SPATA6: variants seen among roughly 807,000 people sequenced by gnomAD.
The protein encoded by SPATA6 is spermatogenesis associated 6.
A neutral mutation model predicts 65.3 loss-of-function variants in SPATA6; 56 were observed. The observed-to-expected ratio is 0.86, with a 90% CI of 0.69 to 1.07. The LOEUF (loss-of-function observed/expected upper bound fraction) is 1.07. SPATA6 is among the 50% of genes least tolerant of loss of function. The pLI is 0.00. For missense variants in SPATA6, 590 were observed against 594.8 expected (o/e 0.99, Z 0.08); for synonymous variants, 199 against 213.2 (o/e 0.93, Z 0.58).
chr1:48,423,948 A>G (rs1303643573), intron 3 of SPATA6, among the ~76,000 whole-genome samples: 1 of 152,216 alleles, frequency 6.6e-6, no homozygotes, highest in African/African-American at 2.4e-5. Context: ...AAATAAGCAC[A>G]TCATGAAGAA....
chr1:48,469,009 G>A (rs78940222), intron 1 of SPATA6, among the ~76,000 whole-genome samples: 8,727 of 152,154 alleles, frequency 0.057, 372 homozygotes, highest in African/African-American at 0.11. Flanking sequence ...CCAGGCTGGA[G>A]TGCAGGGCTA....
At chr1:48,462,913 A>G (rs561103148) in intron 1 of SPATA6, among the ~76,000 whole-genome samples, 4 of 152,318 alleles carry the variant, frequency 2.6e-5, no homozygotes, top group South Asian at 2.1e-4. Flanking sequence ...ACCCTCACCA[A>G]TGTGGGCAGG....
At chr1:48,359,528 C>A in intron 10 of SPATA6, 58 bp downstream of exon 10, 1 of 1,512,794 alleles carries the variant, frequency 6.6e-7, no homozygotes, top group Admixed American at 2.0e-5. Context: ...TTGCTGCTTC[C>A]CCTTCTAATA....
chr1:48,284,547 T>A, the SPATA6 span, among the ~76,000 whole-genome samples: 7 of 152,228 alleles, frequency 4.6e-5, no homozygotes, highest in African/African-American at 4.8e-5. Context: ...TTGACCTGTA[T>A]TTTCCTCATC....
rs202194725 is a variant in SPATA6 at position 48,318,819 on chromosome 1, TGAAAAAGAA to T, written c.1195-12950_1195-12942del. 4.5e-3 allele frequency among the ~76,000 whole-genome samples: 690 copies of T among 152,176 alleles called. 4 individuals are homozygous for T. The highest frequency in any genetic ancestry group is 0.015 in the African/African-American group (617 of 41,558). On this transcript the variant is annotated intron_variant, in intron 11 of 12. Coordinates refer to ENST00000371847, the MANE Select transcript of SPATA6 (RefSeq NM_019073.4). ...GCAAAGGACCTAGAATAGTTATTCT[TGAAAAAGAA>T]GAAAAGGTGGAAGACTAACAATTCC... is the stretch of plus-strand genomic sequence containing the variant.
Position 48,295,531 on chromosome 1 carries a change from T to C in SPATA6, c.*3182A>G, listed in dbSNP as rs900386797. Reference sequence around the variant, plus strand: ...TTCCATTTATATGAAATGTCCAGAATAGGCATGGAGACAAAAAGCATATAG... The same window carrying C: ...TTCCATTTATATGAAATGTCCAGAACAGGCATGGAGACAAAAAGCATATAG... On this transcript the variant is annotated 3_prime_UTR_variant, in exon 13 of 13. Transcript: ENST00000371847. The C allele has an allele frequency of 1.6e-4, 24 of 152,176 alleles. No homozygotes were observed. The highest frequency in any genetic ancestry group is 5.8e-4 in the African/African-American group (24 of 41,448). 9.4% of individuals were successfully genotyped at this position (152,176 alleles called of 1,614,324 possible).
chr1:48,387,986 GCTA>G (rs1194061322), intron 8 of SPATA6, among the ~76,000 whole-genome samples: 1 of 152,114 alleles, frequency 6.6e-6, no homozygotes, highest in Non-Finnish European at 1.5e-5. Context: ...GCCCATGATG[GCTA>G]CTACCAGCAT....
chr1:48,440,321 G>A (rs1022802758), intron 3 of SPATA6, among the ~76,000 whole-genome samples: 3 of 152,188 alleles, frequency 2.0e-5, no homozygotes, highest in African/African-American at 7.2e-5. Flanking sequence ...ATGTCCTACA[G>A]GGTCTAGGGC....
chr1:48,424,375 A>G (rs1411944292), intron 3 of SPATA6, among the ~76,000 whole-genome samples: 1 of 152,172 alleles, frequency 6.6e-6, no homozygotes, highest in Non-Finnish European at 1.5e-5. Context: ...GTAAATGTAT[A>G]CTTTATTAAT....
intron 11 of SPATA6, among the ~76,000 whole-genome samples, chr1:48,331,906 T>C (rs1645926782): frequency 6.6e-6 from 1 of 152,166 alleles, no homozygotes; most frequent in African/African-American, 2.4e-5. Context: ...CAGAAGAGAC[T>C]GGGGACCTGT....
intron 11 of SPATA6, among the ~76,000 whole-genome samples, chr1:48,342,423 G>A (rs1481727054): frequency 6.6e-6 from 1 of 151,934 alleles, no homozygotes; most frequent in African/African-American, 2.4e-5. Flanking sequence ...AGACCATCCT[G>A]GCTAACATGG....
intron 9 of SPATA6, among the ~76,000 whole-genome samples, chr1:48,375,816 T>G (rs1647826836): frequency 6.6e-6 from 1 of 152,180 alleles, no homozygotes. Context: ...AACAGCATGA[T>G]TTCACCAAGG....
intron 9 of SPATA6, among the ~76,000 whole-genome samples, chr1:48,366,744 C>A (rs540332382): frequency 2.3e-4 from 35 of 152,164 alleles, no homozygotes; most frequent in Non-Finnish European, 2.5e-4. Flanking sequence ...TTCAAAAAAC[C>A]AGCTCCTGGA....
At chr1:48,405,861 C>T (rs1451744054) in intron 5 of SPATA6, among the ~76,000 whole-genome samples, 3 of 152,086 alleles carry the variant, frequency 2.0e-5, no homozygotes, top group Non-Finnish European at 2.9e-5. Context: ...AAATTACTTA[C>T]ATTCCTCTCA....
the SPATA6 span, among the ~76,000 whole-genome samples, chr1:48,282,119 C>G: frequency 6.6e-6 from 1 of 152,206 alleles, no homozygotes; most frequent in African/African-American, 2.4e-5. Flanking sequence ...GCTGGGAAAA[C>G]TGGCTAGCCA....
intron 9 of SPATA6, among the ~76,000 whole-genome samples, chr1:48,369,658 G>T (rs1456424760): frequency 6.6e-6 from 1 of 152,198 alleles, no homozygotes; most frequent in Non-Finnish European, 1.5e-5. Context: ...GGAGTGATTG[G>T]ATTTTCCAGG....
intron 10 of SPATA6, among the ~76,000 whole-genome samples, chr1:48,357,048 G>C (rs1346467030): frequency 6.6e-6 from 1 of 152,010 alleles, no homozygotes; most frequent in African/African-American, 2.4e-5. Flanking sequence ...AGAATCCACT[G>C]GATCTCTTCA....
At chr1:48,279,300 C>G in the SPATA6 span, among the ~76,000 whole-genome samples, 6 of 152,286 alleles carry the variant, frequency 3.9e-5, no homozygotes, top group South Asian at 4.1e-4. Flanking sequence ...CAGATAACAT[C>G]AAAATGACAG....
chr1:48,355,777 CA>C lies in SPATA6; in HGVS notation c.1095-9del. ...CACCAATCAGAATGAAATCTGTAGG[CA>C]AAAAATAAGTTTTATTTTTGTTACT... On this transcript the variant is annotated splice_polypyrimidine_tract_variant and intron_variant, in intron 10 of 12. Coordinates refer to ENST00000371847, the MANE Select transcript of SPATA6 (RefSeq NM_019073.4). 1.2e-6 allele frequency: 2 copies of C among 1,602,324 alleles called. No individual in the cohort carries two copies. Among genetic ancestry groups the C allele is most frequent in the South Asian group, 1.1e-5 (1 of 89,210 alleles).
Sources: gnomAD v4.1 joint callset for allele counts (sites outside exome capture counted in the v4.1 genomes callset) on GRCh38, gnomAD v4.1.1 for gene constraint, MANE v1.5 for transcripts, NCBI Gene and HGNC (gene_info 2026-07-23, HGNC 2026-07-21) for gene names.